Variants in CCDC33 observed in about 807,000 individuals in gnomAD.
CCDC33 encodes coiled-coil domain-containing protein 33.
A neutral mutation model predicts 91.9 loss-of-function variants in CCDC33; 94 were observed. The observed-to-expected ratio is 1.02, with a 90% CI of 0.87 to 1.21. The LOEUF is 1.21. Ranked by LOEUF, CCDC33 falls within the 50% of genes most tolerant of loss-of-function variation. The pLI, the probability that CCDC33 is intolerant of heterozygous loss-of-function variation, is 0.00. For synonymous variants in CCDC33, 396 were observed against 374.5 expected (o/e 1.06, Z -0.66); for missense variants, 940 against 935.5 (o/e 1.00, Z -0.06).
Position 74,250,658 on chromosome 15 carries a change from G to A in CCDC33, c.185+6510G>A, listed in dbSNP as rs2075679937. Among the ~76,000 whole-genome samples the A allele has an allele frequency of 2.0e-5, 3 of 152,292 alleles. No individual in the cohort carries two copies. The South Asian group carries it at 6.2e-4, about 32-fold the overall frequency. ...TGCCTCCCCATCCCGCCTCCACTGT[G>A]CCCCACTAGTTCCGTGGACAACCAC... On this transcript the variant is annotated intron_variant, in intron 2 of 18. Transcript: ENST00000398814.
At chr15:74,287,281 A>T (rs1283093174) in intron 10 of CCDC33, among the ~76,000 whole-genome samples, 1 of 152,134 alleles carries the variant, frequency 6.6e-6, no homozygotes, top group Non-Finnish European at 1.5e-5. Flanking sequence ...CTGTGAAAAC[A>T]CTACCATAAG....
chr15:74,240,972 G>A (rs1055742240), intron 1 of CCDC33, among the ~76,000 whole-genome samples: 2 of 152,230 alleles, frequency 1.3e-5, no homozygotes, highest in Non-Finnish European at 2.9e-5. Flanking sequence ...AAGGCTGCTG[G>A]GGAGTGGGGG....
At chr15:74,311,287 C>T (rs1191064525) in intron 11 of CCDC33, among the ~76,000 whole-genome samples, 1 of 152,128 alleles carries the variant, frequency 6.6e-6, no homozygotes, top group African/African-American at 2.4e-5. Flanking sequence ...CATCTCTCCC[C>T]TCCACACCCC....
intron 2 of CCDC33, among the ~76,000 whole-genome samples, chr15:74,258,529 C>A (rs757723148): frequency 3.9e-5 from 6 of 152,194 alleles, no homozygotes; most frequent in African/African-American, 1.4e-4. Flanking sequence ...TAGAAGACCC[C>A]AGAGGCAGCC....
At chr15:74,285,445 A>G (rs2059453638) in intron 10 of CCDC33, among the ~76,000 whole-genome samples, 1 of 152,088 alleles carries the variant, frequency 6.6e-6, no homozygotes, top group Admixed American at 6.5e-5. Flanking sequence ...CTGCCATGAC[A>G]GACAGCTCAC....
At chr15:74,235,515 C>G (rs574027675), upstream of CCDC33, among the ~76,000 whole-genome samples, 1 of 152,142 alleles carries the variant, frequency 6.6e-6, no homozygotes, top group African/African-American at 2.4e-5. Context: ...TGAACACTGC[C>G]CAGTACCCCA....
At chr15:74,336,193 C>T (rs1482655029), downstream of CCDC33, 6 of 1,451,670 alleles carry the variant, frequency 4.1e-6, no homozygotes, top group Non-Finnish European at 5.4e-6. Flanking sequence ...GCTTCCTCCT[C>T]CTAGACCTCA....
intron 11 of CCDC33, chr15:74,301,754 G>T (rs564798411): frequency 3.9e-5 from 6 of 152,300 alleles, no homozygotes; most frequent in African/African-American, 1.4e-4. Flanking sequence ...GAAGAATTGT[G>T]TATTCAGTGT....
At chr15:74,284,432 G>A (rs2059432622) in intron 10 of CCDC33, among the ~76,000 whole-genome samples, 2 of 152,164 alleles carry the variant, frequency 1.3e-5, no homozygotes, top group South Asian at 4.1e-4. Context: ...TGGCATTGCA[G>A]CTAAATCTAA....
At chr15:74,275,161 G>A (rs2076419516) in intron 7 of CCDC33, among the ~76,000 whole-genome samples, 1 of 152,210 alleles carries the variant, frequency 6.6e-6, no homozygotes, top group Non-Finnish European at 1.5e-5. Flanking sequence ...ATCTTGGGGG[G>A]CTGTGATTTC....
At chr15:74,252,440 C>T (rs746985226) in intron 2 of CCDC33, among the ~76,000 whole-genome samples, 16 of 152,290 alleles carry the variant, frequency 1.1e-4, no homozygotes, top group Non-Finnish European at 1.5e-4. Flanking sequence ...ATGGGATAGT[C>T]CCAGGAATAA....
intron 11 of CCDC33, among the ~76,000 whole-genome samples, chr15:74,312,235 G>T (rs374673438): frequency 1.3e-5 from 2 of 152,164 alleles, no homozygotes; most frequent in Non-Finnish European, 2.9e-5. Context: ...GCCTCTGCTC[G>T]TTCCTCGGAG....
At position 74,334,978 on chromosome 15, in the gene CCDC33, G is replaced by A. The variant is rs199750365; in HGVS notation, c.2029G>A (p.Glu677Lys). Residue 677 changes from glutamate (E) to lysine (K), a missense_variant, in exon 18 of 19, where the codon GAG becomes AAG. By Grantham distance (56) the Glu-to-Lys change is moderately conservative. Transcript: ENST00000398814. ...TTGTCCCTCTCTGTGTCTGCAGTTA[G>A]AGGACTCAGCTCGACGCTGGGGACG... ...SRILSLESQL[E>K]DSARRWGREK... The A allele has an allele frequency of 2.9e-5, 47 of 1,613,474 alleles. No individual in the cohort carries two copies. The highest frequency in any genetic ancestry group is 4.0e-5 in the Non-Finnish European group (47 of 1,179,400).
rs754864694 is a variant in CCDC33, at chr15:74,295,965, A to G, written c.1290+17A>G. The G allele has an allele frequency of 2.5e-6, 4 of 1,598,586 alleles. No homozygotes were observed. The highest frequency in any genetic ancestry group is 3.4e-6 in the Non-Finnish European group (4 of 1,171,950). On this transcript the variant is annotated intron_variant, in intron 11 of 18. Transcript: ENST00000398814. ...CATGACACAGTGAGTGTCTCTCCCC[A>G]GGTGGGAAGGGCCGGGGCAGTGATG...
rs760734139 is a variant in CCDC33 at position 74,268,491 on chromosome 15, G to GA, written c.546+33_546+34insA. Reference sequence around the variant, plus strand: ...GGCTGGGGCCCTCTGGGGTGGTGGTGGGGGTGGGAAAGGGCCAAGCTTTGA... The same window carrying GA: ...GGCTGGGGCCCTCTGGGGTGGTGGTGAGGGGTGGGAAAGGGCCAAGCTTTGA... On this transcript the variant is annotated intron_variant, in intron 5 of 18. Coordinates refer to ENST00000398814, the MANE Select transcript of CCDC33 (RefSeq NM_025055.5). 4.7e-6 allele frequency: 7 copies of GA among 1,479,052 alleles called. 1 individual carries two copies. The South Asian group carries it at 6.9e-5, about 15-fold the overall frequency. 91.6% of individuals were successfully genotyped at this position (1,479,052 alleles called of 1,614,324 possible). A position where few individuals can be genotyped will look rare whatever the true frequency, so the allele number is the denominator to read the frequency against.
chr15:74,292,751 G>A (rs2059608070), intron 10 of CCDC33, among the ~76,000 whole-genome samples: 1 of 152,088 alleles, frequency 6.6e-6, no homozygotes, highest in East Asian at 1.9e-4. Flanking sequence ...CCCCAGGGTA[G>A]GGCAGGACAG....
intron 10 of CCDC33, among the ~76,000 whole-genome samples, chr15:74,290,268 C>T (rs1053002698): frequency 1.3e-5 from 2 of 151,692 alleles, no homozygotes; most frequent in Admixed American, 6.6e-5. Flanking sequence ...ACCTCCGCCT[C>T]CTGGGTTCAA....
rs141247366 is a variant in CCDC33 at position 74,244,719 on chromosome 15, C to T, written c.185+571C>T. On this transcript the variant is annotated intron_variant, in intron 2 of 18. Coordinates refer to ENST00000398814, the MANE Select transcript of CCDC33 (RefSeq NM_025055.5). The surrounding 1 kb of genome is among the most constrained non-coding windows in gnomAD (Gnocchi z 4.2). ...CCTGGCACCAAGGCCTGCCACGCCA[C>T]GTCTATGCCCACCTCACGGGTCTCA... Among the ~76,000 whole-genome samples, 15 of 152,208 alleles carry T rather than the reference C, an allele frequency of 9.9e-5. No homozygotes were observed. Among genetic ancestry groups the T allele is most frequent in the East Asian group, 1.9e-4 (1 of 5,180 alleles).
intron 11 of CCDC33, among the ~76,000 whole-genome samples, chr15:74,323,150 C>T (rs906286677): frequency 6.6e-6 from 1 of 152,112 alleles, no homozygotes; most frequent in Non-Finnish European, 1.5e-5. Context: ...TTCTCAACCT[C>T]ACTGTCCCCT....
Sources: gnomAD v4.1 joint callset for allele counts (sites outside exome capture counted in the v4.1 genomes callset) on GRCh38, gnomAD v4.1.1 for gene constraint, Gnocchi (gnomAD v3.1) non-coding constraint, MANE v1.5 for transcripts, NCBI Gene and HGNC (gene_info 2026-07-23, HGNC 2026-07-21) for gene names.